The following NKAIN2 variants were observed in gnomAD, a reference collection of about 807,000 sequenced individuals.
NKAIN2 encodes the protein sodium/potassium transporting ATPase interacting 2.
A neutral mutation model predicts 32.6 loss-of-function variants in NKAIN2; 14 were observed. That is an observed-to-expected ratio of 0.43 (90% CI 0.28 to 0.67). NKAIN2 has a LOEUF of 0.67. NKAIN2 is among the 30% of genes least tolerant of loss of function. The probability of loss-of-function intolerance (pLI) is 0.17; values close to 1 mark genes in which losing one functional copy is unlikely to be tolerated. For synonymous variants in NKAIN2, 80 were observed against 87.2 expected (o/e 0.92, Z 0.46); for missense variants, 198 against 258.3 (o/e 0.77, Z 1.60).
At chr6:124,535,389 G>A (rs1343062220) in intron 3 of NKAIN2, among the ~76,000 whole-genome samples, 1 of 152,160 alleles carries the variant, frequency 6.6e-6, no homozygotes, top group African/African-American at 2.4e-5. Flanking sequence ...TTTATTTGTA[G>A]TCTGGCACTC....
chr6:124,095,047 T>C (rs1475743598), intron 1 of NKAIN2, among the ~76,000 whole-genome samples: 2 of 152,056 alleles, frequency 1.3e-5, no homozygotes, highest in Non-Finnish European at 2.9e-5. Flanking sequence ...AATAACATGG[T>C]TGTAAAAATG....
chr6:123,821,169 C>T lies in NKAIN2; in HGVS notation c.54+16915C>T, dbSNP rs114877985. Among the ~76,000 whole-genome samples, 591 of 152,222 alleles carry T rather than the reference C, an allele frequency of 3.9e-3. 4 individuals are homozygous for T. The highest frequency in any genetic ancestry group is 0.016 in the East Asian group (84 of 5,172). ...TGACAGTTTGGAAGAGTATAAAAAA[C>T]GCTGACCTGAAAGGGGAATTCTGTA... On this transcript the variant is annotated intron_variant, in intron 1 of 6. Coordinates refer to ENST00000368417, the MANE Select transcript of NKAIN2 (RefSeq NM_001040214.3).
At chr6:124,340,230 G>A (rs531200904) in intron 2 of NKAIN2, among the ~76,000 whole-genome samples, 12 of 152,240 alleles carry the variant, frequency 7.9e-5, no homozygotes, top group Admixed American at 5.9e-4. Context: ...TCAACAGTTT[G>A]CTGGAGATTA....
chr6:124,465,630 T>TTA (rs1776717920), intron 3 of NKAIN2, among the ~76,000 whole-genome samples: 1 of 140,822 alleles, frequency 7.1e-6, no homozygotes, highest in Non-Finnish European at 1.5e-5. Flanking sequence ...AAAGTAAAGT[T>TTA]AAAAAAAAAA....
rs191421128 is a variant in NKAIN2, at chr6:124,197,975, C to G, written c.55-85030C>G. On this transcript the variant is annotated intron_variant, in intron 1 of 6. Coordinates refer to ENST00000368417, the MANE Select transcript of NKAIN2 (RefSeq NM_001040214.3). ...GATATTTACATCTGAGAAGGGCCAG[C>G]TTTCGAAATCTGCCAGGTTACTAGT... Among the ~76,000 whole-genome samples, 18 of 151,850 alleles carry G rather than the reference C, an allele frequency of 1.2e-4. 1 individual carries two copies. The East Asian group carries it at 2.2e-3, about 18-fold the overall frequency.
At chr6:124,221,809 A>G (rs1054655400) in intron 1 of NKAIN2, among the ~76,000 whole-genome samples, 1 of 152,166 alleles carries the variant, frequency 6.6e-6, no homozygotes, top group Non-Finnish European at 1.5e-5. Flanking sequence ...AAAAAGATGT[A>G]TTAGAAAAAT....
At chr6:124,663,220 T>A (rs138851631) in intron 4 of NKAIN2, among the ~76,000 whole-genome samples, 1 of 151,844 alleles carries the variant, frequency 6.6e-6, no homozygotes, top group African/African-American at 2.4e-5. Flanking sequence ...AGGTCAGGAG[T>A]TCGAGACCAG....
At position 123,917,416 on chromosome 6, in the gene NKAIN2, A is replaced by G. The variant is rs1456986318; in HGVS notation, c.54+113162A>G. Among the ~76,000 whole-genome samples the G allele has an allele frequency of 2.0e-5, 3 of 152,334 alleles. No individual in the cohort carries two copies. In the East Asian group the frequency reaches 5.8e-4, roughly 29 times the overall value. On this transcript the variant is annotated intron_variant, in intron 1 of 6. Coordinates refer to ENST00000368417, the MANE Select transcript of NKAIN2 (RefSeq NM_001040214.3). ...GAATTTTACCTTGAAGTCATAAGCC[A>G]TCCACAGAATGTGTACGTTTAGGCA...
intron 3 of NKAIN2, among the ~76,000 whole-genome samples, chr6:124,619,612 T>C (rs1218222618): frequency 6.6e-6 from 1 of 152,162 alleles, no homozygotes; most frequent in Non-Finnish European, 1.5e-5. Flanking sequence ...CCCAGTTCTC[T>C]GAAAAGCCAC....
chr6:124,336,462 T>C (rs540742183), intron 2 of NKAIN2, among the ~76,000 whole-genome samples: 2 of 152,304 alleles, frequency 1.3e-5, no homozygotes, highest in African/African-American at 4.8e-5. Context: ...TGCCTTTCTA[T>C]GTGTCTAATG....
intron 1 of NKAIN2, among the ~76,000 whole-genome samples, chr6:124,145,206 A>G (rs1456510626): frequency 6.6e-6 from 1 of 152,202 alleles, no homozygotes; most frequent in East Asian, 1.9e-4. Context: ...AAACTGGAAA[A>G]CATTTTGGCA....
At chr6:123,923,279 C>G (rs77443378) in intron 1 of NKAIN2, among the ~76,000 whole-genome samples, 1 of 151,796 alleles carries the variant, frequency 6.6e-6, no homozygotes, top group Non-Finnish European at 1.5e-5. Context: ...ATAATTCTGA[C>G]AAAATATTCT....
rs920211034 is a variant in NKAIN2, at chr6:124,019,088, C to T, written c.54+214834C>T. ...TGAAGGAGAACTCCCCTTTATAAAA[C>T]CATCAGATCTCATGACACTTATTCA... On this transcript the variant is annotated intron_variant, in intron 1 of 6. Transcript: ENST00000368417. Among the ~76,000 whole-genome samples the T allele has an allele frequency of 2.0e-5, 3 of 152,108 alleles. No individual in the cohort carries two copies. The East Asian group carries it at 5.8e-4, about 29-fold the overall frequency.
chr6:123,923,953 T>TA (rs1308622932), intron 1 of NKAIN2, among the ~76,000 whole-genome samples: 5 of 145,804 alleles, frequency 3.4e-5, no homozygotes, highest in Non-Finnish European at 5.9e-5. Context: ...ATAATAAAAA[T>TA]AAAAAAAATT....
At chr6:124,595,042 G>A (rs542708190) in intron 3 of NKAIN2, among the ~76,000 whole-genome samples, 63 of 152,226 alleles carry the variant, frequency 4.1e-4, no homozygotes, top group Middle Eastern at 6.8e-3. Flanking sequence ...AAGTTTAAAG[G>A]GAAATCTAAA....
intron 1 of NKAIN2, among the ~76,000 whole-genome samples, chr6:124,195,887 C>A (rs1790290635): frequency 6.6e-6 from 1 of 151,984 alleles, no homozygotes; most frequent in Non-Finnish European, 1.5e-5. Flanking sequence ...GCCTCAAGTA[C>A]CCCTTTTTCC....
intron 4 of NKAIN2, among the ~76,000 whole-genome samples, chr6:124,701,315 TTTC>T (rs1195270999): frequency 1.4e-4 from 22 of 152,132 alleles, no homozygotes; most frequent in Admixed American, 8.5e-4. Flanking sequence ...TTTCAAAGTC[TTTC>T]TTAAGGACAA....
chr6:124,658,104 GAA>G (rs1784604850), intron 3 of NKAIN2, 80 bp from the exon 4 acceptor site: 9 of 1,109,072 alleles, frequency 8.1e-6, no homozygotes, highest in Non-Finnish European at 1.2e-5. Context: ...TTCCAAATGG[GAA>G]AGTCAAAGCA....
intron 1 of NKAIN2, among the ~76,000 whole-genome samples, chr6:123,999,922 A>C (rs910472406): frequency 6.6e-6 from 1 of 151,850 alleles, no homozygotes; most frequent in South Asian, 2.1e-4. Context: ...AATAGATTTA[A>C]GAACATACAT....
Sources: allele counts gnomAD v4.1 joint callset (sites outside exome capture counted in the v4.1 genomes callset), GRCh38; gene constraint gnomAD v4.1.1; transcripts MANE v1.5; gene names NCBI Gene and HGNC (gene_info 2026-07-23, HGNC 2026-07-21).